The following SLC25A41 variants were observed in gnomAD, a reference collection of about 807,000 sequenced individuals.
SLC25A41 encodes the protein solute carrier family 25 member 41.
In SLC25A41, 35 loss-of-function variants were observed where a neutral mutation model predicts 34.7. The ratio of observed to expected loss-of-function variants is 1.01; its 90% CI spans 0.77 to 1.34. The LOEUF (loss-of-function observed/expected upper bound fraction) is 1.34. Ranked by LOEUF, SLC25A41 falls within the 40% of genes most tolerant of loss-of-function variation. The pLI is 0.00. For synonymous variants in SLC25A41, 190 were observed against 209.9 expected (o/e 0.91, Z 0.82); for missense variants, 492 against 489.8 (o/e 1.00, Z -0.04).
intron 2 of SLC25A41, chr19:6,430,619 C>G: frequency 3.2e-6 from 1 of 312,972 alleles, no homozygotes; most frequent in South Asian, 2.3e-5. Context: ...TCCCGAGTAG[C>G]TGGGATTACA....
At chr19:6,435,302 A>G (rs115079362), upstream of SLC25A41, among the ~76,000 whole-genome samples, 1,336 of 151,828 alleles carry the variant, frequency 8.8e-3, 22 homozygotes, top group African/African-American at 0.031. Context: ...TCTGTCACCC[A>G]GGCTGGAGTA....
chr19:6,434,742 C>G (rs1255306541), upstream of SLC25A41, among the ~76,000 whole-genome samples: 1 of 152,054 alleles, frequency 6.6e-6, no homozygotes, highest in Non-Finnish European at 1.5e-5. Context: ...AACCCAGTCT[C>G]TCCTAAAAAT....
intron 4 of SLC25A41, among the ~76,000 whole-genome samples, chr19:6,428,981 G>A (rs1202758890): frequency 8.2e-6 from 1 of 122,554 alleles, no homozygotes; most frequent in African/African-American, 3.0e-5. Flanking sequence ...CTCCCAAAGT[G>A]TTGGGATTAC....
chr19:6,429,475 AAG>A (rs1491356271), intron 4 of SLC25A41, among the ~76,000 whole-genome samples: 1 of 15,732 alleles, frequency 6.4e-5, no homozygotes, highest in Non-Finnish European at 1.4e-4. Flanking sequence ...GAGGAGAGGA[AAG>A]AGGAGGGGAG....
At chr19:6,429,971 G>A in intron 3 of SLC25A41, 38 bp downstream of exon 3, 1 of 1,604,732 alleles carries the variant, frequency 6.2e-7, no homozygotes, top group Non-Finnish European at 8.5e-7. Flanking sequence ...GGAGGGGTTT[G>A]GGCTTGAGCT....
rs1456542082 is a variant in SLC25A41 at position 6,432,051 on chromosome 19, G to A, written c.361C>T (p.Gln121Ter). The A allele has an allele frequency of 1.2e-6, 2 of 1,610,730 alleles. No individual in the cohort carries two copies. The highest frequency in any genetic ancestry group is 3.4e-5 in the Admixed American group (2 of 59,668). The change falls in exon 2 of 7, where the codon CAG becomes TAG. Residue 121 changes from glutamine (Q) to a stop codon, truncating the protein, a stop_gained and splice_region_variant. Coordinates refer to ENST00000321510, the MANE Select transcript of SLC25A41 (RefSeq NM_173637.4). LOFTEE classifies it high-confidence loss of function. Reference sequence around the variant, plus strand: ...TCCTCCCCCCAACCCACACAAACCTGCATGTACACCTTGGCTCTGTCCAGA... The same window carrying A: ...TCCTCCCCCCAACCCACACAAACCTACATGTACACCTTGGCTCTGTCCAGA... ...APLDRAKVYM[Q>*]VYSSKTNFTN...
At position 6,427,065 on chromosome 19, in the gene SLC25A41, G is replaced by T; in HGVS notation, c.940+38C>A. On this transcript the variant is annotated intron_variant, in intron 6 of 6. Transcript: ENST00000321510. The surrounding 1 kb of genome is among the most constrained non-coding windows in gnomAD (Gnocchi z 4.9). Reference sequence around the variant, plus strand: ...ATTGAGACAGCCAGGGTGGGGCGGGGAAGGGGCATGCGTGGTGGCCGCTGG... The same window carrying T: ...ATTGAGACAGCCAGGGTGGGGCGGGTAAGGGGCATGCGTGGTGGCCGCTGG... 6.4e-7 allele frequency: 1 copy of T among 1,558,908 alleles called. No individual in the cohort carries two copies. Among genetic ancestry groups the T allele is most frequent in the African/African-American group, 1.4e-5 (1 of 73,800 alleles).
At chr19:6,428,324 A>C (rs1156727323) in intron 4 of SLC25A41, among the ~76,000 whole-genome samples, 1 of 151,330 alleles carries the variant, frequency 6.6e-6, no homozygotes, top group Non-Finnish European at 1.5e-5. Flanking sequence ...GCTTGAACCC[A>C]GAAGGTGGAG....
chr19:6,429,962 G>T, intron 3 of SLC25A41, 47 bp downstream of exon 3: 1 of 1,601,942 alleles, frequency 6.2e-7, no homozygotes. Flanking sequence ...GGGGGCATGG[G>T]AGGGGTTTGG....
chr19:6,429,060 TTATA>T (rs371668779), intron 4 of SLC25A41, among the ~76,000 whole-genome samples: 1 of 11,152 alleles, frequency 9.0e-5, no homozygotes, highest in Non-Finnish European at 1.6e-4. Flanking sequence ...TATATATATG[TTATA>T]TATATATATA....
In SLC25A41 at chr19:6,432,148, G is replaced by A; in HGVS notation, c.264C>T (p.Asn88=). 2.5e-6 allele frequency: 4 copies of A among 1,613,916 alleles called. No homozygotes were observed. The highest frequency in any genetic ancestry group is 1.7e-6 in the Non-Finnish European group (2 of 1,179,866). ...MVPVEVLEVD[N]KEALWKFLLS... Reference sequence around the variant, plus strand: ...GTAGAAACTTCCACAAGGCCTCCTTGTTATCCACTTCCAGGACTTCCACGG... The same window carrying A: ...GTAGAAACTTCCACAAGGCCTCCTTATTATCCACTTCCAGGACTTCCACGG... Residue 88 remains asparagine (N), a synonymous_variant, in exon 2 of 7, where the codon AAC becomes AAT. Coordinates refer to ENST00000321510, the MANE Select transcript of SLC25A41 (RefSeq NM_173637.4).
At chr19:6,428,774 T>A (rs2145137487) in intron 4 of SLC25A41, among the ~76,000 whole-genome samples, 1 of 145,812 alleles carries the variant, frequency 6.9e-6, no homozygotes, top group East Asian at 2.0e-4. Flanking sequence ...TGCAGTTGTG[T>A]CCCATCATAG....
At chr19:6,431,108 G>T (rs2092283842) in intron 2 of SLC25A41, among the ~76,000 whole-genome samples, 2 of 151,820 alleles carry the variant, frequency 1.3e-5, no homozygotes, top group Admixed American at 1.3e-4. Context: ...GAGTCACCAT[G>T]CCCGACTCCT....
At chr19:6,429,100 T>TATATAATATATATATTATATATATGTTAC (rs1599255362) in intron 4 of SLC25A41, among the ~76,000 whole-genome samples, 4 of 3,532 alleles carry the variant, frequency 1.1e-3, no homozygotes, top group Non-Finnish European at 2.2e-3. Context: ...ATATGTTACA[T>TATATAATATATATATTATATATATGTTAC]ATATATATAA....
intron 4 of SLC25A41, among the ~76,000 whole-genome samples, chr19:6,429,376 GGAAAGGAAGAGGGGAGGAGA>G (rs2092270850): frequency 3.9e-3 from 1 of 256 alleles, no homozygotes; most frequent in African/African-American, 0.015. Context: ...GAGGGAGAAA[GGAAAGGAAGAGGGGAGGAGA>G]AGGGAGAAAG....
rs751689244 is a variant in SLC25A41, at chr19:6,433,557, C to T, written c.137G>A (p.Cys46Tyr). 4.5e-5 allele frequency: 72 copies of T among 1,612,710 alleles called. No individual in the cohort carries two copies. The highest frequency in any genetic ancestry group is 5.8e-5 in the Non-Finnish European group (68 of 1,179,482). The stretch of plus-strand genomic sequence containing the variant: ...AAACGCGTACCCATACACGTGTGTA[C>T]AGCCAGGGTTCCAGGATGGGGGTGG... ...PPPPPSWNPGCTHVYGYAFGH... is the reference protein window; with the variant it reads ...PPPPPSWNPGYTHVYGYAFGH... Residue 46 changes from cysteine to tyrosine, a missense_variant, in exon 1 of 7, where the codon TGT becomes TAT. Cys to Tyr is a radical substitution (Grantham distance 194). Transcript: ENST00000321510.
rs375989078 is a variant in SLC25A41, at chr19:6,432,081, C to T, written c.331G>A (p.Ala111Thr). 2 of 1,613,654 alleles carry T rather than the reference C, an allele frequency of 1.2e-6. No individual in the cohort carries two copies. Among genetic ancestry groups the T allele is most frequent in the African/African-American group, 2.7e-5 (2 of 75,032 alleles). Residue 111 changes from alanine to threonine, a missense_variant, in exon 2 of 7, where the codon GCA (alanine) becomes ACA (threonine). Transcript: ENST00000321510. Reference protein sequence around the residue: ...MAGAVSRTGTAPLDRAKVYMQ... With the variant: ...MAGAVSRTGTTPLDRAKVYMQ... ...TACACCTTGGCTCTGTCCAGAGGTG[C>T]CGTGCCCGTGCGAGACACCGCCCCG... is the stretch of plus-strand genomic sequence containing the variant.
rs915440036 is a variant in SLC25A41, at chr19:6,433,380, T to G, written c.207+107A>C. ...GCCCCACCCTGCTTCAAGGTGGAAT[T>G]CTAGGTCCGCTAGCAGGGGAGTGGG... is the stretch of plus-strand genomic sequence containing the variant. On this transcript the variant is annotated intron_variant, in intron 1 of 6. Transcript: ENST00000321510. 2.6e-6 allele frequency: 3 copies of G among 1,159,220 alleles called. No individual in the cohort carries two copies. In the African/African-American group the frequency reaches 4.5e-5, roughly 17 times the overall value. The allele number at this position is 1,159,220 out of a possible 1,614,324, so 71.8% of individuals were successfully genotyped here.
In SLC25A41 at chr19:6,427,371, A is replaced by G; in HGVS notation, c.755T>C (p.Ile252Thr). 2 of 1,611,716 alleles carry G rather than the reference A, an allele frequency of 1.2e-6. No individual in the cohort carries two copies. Among genetic ancestry groups the G allele is most frequent in the Non-Finnish European group, 8.5e-7 (1 of 1,178,876 alleles). Reference sequence around the variant, plus strand: ...CAGGTCGGTGCAGGCATAGGGGATGATGCCGAGCATATTGGGCAGGTAGCC... The same window carrying G: ...CAGGTCGGTGCAGGCATAGGGGATGGTGCCGAGCATATTGGGCAGGTAGCC... The part of the protein sequence containing the change: ...YRGYLPNMLG[I>T]IPYACTDLAV... Residue 252 changes from isoleucine (I) to threonine (T), a missense_variant, in exon 5 of 7, where the codon ATC becomes ACC. Physicochemically the swap from Ile to Thr is moderately conservative, Grantham distance 89 (BLOSUM62 -1). Transcript: ENST00000321510. The surrounding 1 kb of genome is among the most constrained non-coding windows in gnomAD (Gnocchi z 4.9).
Sources: allele counts gnomAD v4.1 joint callset (sites outside exome capture counted in the v4.1 genomes callset), GRCh38; gene constraint gnomAD v4.1.1; non-coding constraint Gnocchi (gnomAD v3.1); transcripts MANE v1.5; gene names NCBI Gene and HGNC (gene_info 2026-07-23, HGNC 2026-07-21).